The following NKAIN3 variants were observed in gnomAD, a reference collection of about 807,000 sequenced individuals.
NKAIN3 encodes the protein sodium/potassium-transporting ATPase subunit beta-1-interacting protein 3.
A neutral mutation model predicts 30.2 loss-of-function variants in NKAIN3; 25 were observed. The ratio of observed to expected loss-of-function variants is 0.83; its 90% CI spans 0.60 to 1.16. The LOEUF (loss-of-function observed/expected upper bound fraction) is 1.16. Ranked by LOEUF, NKAIN3 falls within the 50% of genes most tolerant of loss-of-function variation. The probability of loss-of-function intolerance (pLI) is 0.00; values close to 1 mark genes in which losing one functional copy is unlikely to be tolerated. For synonymous variants in NKAIN3, 91 were observed against 89.6 expected (o/e 1.02, Z -0.09); for missense variants, 225 against 254.1 (o/e 0.89, Z 0.78).
intron 3 of NKAIN3, among the ~76,000 whole-genome samples, chr8:62,732,809 C>A (rs1027247238): frequency 2.0e-5 from 3 of 151,826 alleles, no homozygotes; most frequent in Non-Finnish European, 2.9e-5. Context: ...CACATTTATA[C>A]CTTTATTATG....
chr8:62,285,778 A>C (rs1273876619), intron 1 of NKAIN3, among the ~76,000 whole-genome samples: 1 of 152,122 alleles, frequency 6.6e-6, no homozygotes, highest in African/African-American at 2.4e-5. Flanking sequence ...AAATATCTGA[A>C]CCAGACAGCT....
chr8:62,542,714 C>T (rs959672622), intron 1 of NKAIN3, among the ~76,000 whole-genome samples: 3 of 152,082 alleles, frequency 2.0e-5, no homozygotes, highest in African/African-American at 7.2e-5. Flanking sequence ...ACATGTTAAA[C>T]ATGTTAAAAA....
chr8:62,369,514 A>G (rs149851612), intron 1 of NKAIN3, among the ~76,000 whole-genome samples: 58 of 152,180 alleles, frequency 3.8e-4, no homozygotes, highest in African/African-American at 1.3e-3. Context: ...TAAATGGTGG[A>G]CATGGAATGG....
At chr8:62,561,842 A>G (rs1809589803) in intron 1 of NKAIN3, among the ~76,000 whole-genome samples, 2 of 152,208 alleles carry the variant, frequency 1.3e-5, no homozygotes, top group Admixed American at 6.6e-5. Context: ...GTTGAAACAT[A>G]GGTCATAGCA....
chr8:62,869,083 A>G (rs1227869298), intron 4 of NKAIN3, among the ~76,000 whole-genome samples: 3 of 152,226 alleles, frequency 2.0e-5, no homozygotes, highest in African/African-American at 7.2e-5. Flanking sequence ...GTCCTCTGAA[A>G]TGACCTCGGC....
intron 1 of NKAIN3, among the ~76,000 whole-genome samples, chr8:62,497,293 G>C (rs1807272329): frequency 6.6e-6 from 1 of 151,994 alleles, no homozygotes; most frequent in Non-Finnish European, 1.5e-5. Context: ...AATAAACATA[G>C]GATGTCTGTC....
At chr8:62,801,709 C>G (rs555766387) in intron 4 of NKAIN3, among the ~76,000 whole-genome samples, 2 of 152,290 alleles carry the variant, frequency 1.3e-5, no homozygotes, top group African/African-American at 4.8e-5. Flanking sequence ...AAGAGCAGAG[C>G]GCCTCTCCTC....
rs114224168 is a variant in NKAIN3, at chr8:62,594,199, A to G, written c.273+4405A>G. 3.2e-3 allele frequency among the ~76,000 whole-genome samples: 491 copies of G among 152,156 alleles called. 2 individuals carry two copies. The highest frequency in any genetic ancestry group is 0.01 in the African/African-American group (427 of 41,556). On this transcript the variant is annotated intron_variant, in intron 3 of 6. Transcript: ENST00000623646. ...ATCTATCAAACATAAGAAATACATA[A>G]TGCTAATCTTACTCAAACTCCTACA...
At chr8:62,556,740 C>G (rs1188643099) in intron 1 of NKAIN3, among the ~76,000 whole-genome samples, 1 of 151,552 alleles carries the variant, frequency 6.6e-6, no homozygotes, top group Non-Finnish European at 1.5e-5. Flanking sequence ...AAAGTATAGC[C>G]ATTTTGAACT....
rs1563427464 is a variant in NKAIN3 at position 62,500,477 on chromosome 8, G to GAAGA, written c.55-79060_55-79059insGAAA. Among the ~76,000 whole-genome samples, 26 of 121,876 alleles carry GAAGA rather than the reference G, an allele frequency of 2.1e-4. 1 individual carries two copies. The highest frequency in any genetic ancestry group is 7.6e-4 in the African/African-American group (24 of 31,422). The allele number at this position is 121,876 out of a possible 152,430, so 80.0% of individuals were successfully genotyped here. ...AGAAAGAAAGAAAGAAAGAAAGAAA[G>GAAGA]AAAGAAAGAAGAAAAGAAAGAAAGA... On this transcript the variant is annotated intron_variant, in intron 1 of 6. Transcript: ENST00000623646.
chr8:62,792,555 T>A (rs1817737308), intron 4 of NKAIN3, among the ~76,000 whole-genome samples: 1 of 4,188 alleles, frequency 2.4e-4, no homozygotes, highest in Admixed American at 3.9e-3. Context: ...TAAAACATGG[T>A]CCTTGTTCTC....
intron 5 of NKAIN3, among the ~76,000 whole-genome samples, chr8:62,935,178 T>C (rs976702339): frequency 1.3e-5 from 2 of 152,062 alleles, no homozygotes; most frequent in African/African-American, 4.8e-5. Context: ...CAAACACAAG[T>C]ACAAGTTCGT....
At chr8:62,914,609 C>T (rs1822025230) in intron 4 of NKAIN3, among the ~76,000 whole-genome samples, 1 of 152,070 alleles carries the variant, frequency 6.6e-6, no homozygotes, top group Non-Finnish European at 1.5e-5. Flanking sequence ...GTAGTTTTCT[C>T]CCCAATATCA....
At chr8:62,549,236 G>A (rs1809113505) in intron 1 of NKAIN3, among the ~76,000 whole-genome samples, 1 of 152,142 alleles carries the variant, frequency 6.6e-6, no homozygotes, top group African/African-American at 2.4e-5. Context: ...TCAGTAAAAT[G>A]AGTAATAGTC....
At position 62,966,024 on chromosome 8, in the gene NKAIN3, C is replaced by A. The variant is rs919597384; in HGVS notation, c.*617C>A. On this transcript the variant is annotated 3_prime_UTR_variant, in exon 7 of 7. Coordinates refer to ENST00000623646, the MANE Select transcript of NKAIN3 (RefSeq NM_001304533.3). ...TCTAAATTTTCAGATTCGTGCATATCTTGTTTTTCCTGATATATATATATA... is the reference window on the plus strand; with the variant it reads ...TCTAAATTTTCAGATTCGTGCATATATTGTTTTTCCTGATATATATATATA... The A allele has an allele frequency of 2.4e-5, 24 of 984,292 alleles. 1 individual carries two copies. The South Asian group carries it at 1.1e-3, about 46-fold the overall frequency. The allele number at this position is 984,292 out of a possible 1,614,324, so 61.0% of individuals were successfully genotyped here. A position where few individuals can be genotyped will look rare whatever the true frequency, so the allele number is the denominator to read the frequency against.
intron 3 of NKAIN3, among the ~76,000 whole-genome samples, chr8:62,693,084 G>A (rs1814033634): frequency 6.6e-6 from 1 of 152,138 alleles, no homozygotes; most frequent in Non-Finnish European, 1.5e-5. Flanking sequence ...TGCAGGTCCT[G>A]AGTCAGTTAT....
intron 3 of NKAIN3, among the ~76,000 whole-genome samples, chr8:62,652,421 T>G: frequency 6.6e-6 from 1 of 152,212 alleles, no homozygotes; most frequent in Non-Finnish European, 1.5e-5. Flanking sequence ...GTGGCTTGGC[T>G]GAAGCACTGC....
chr8:62,424,343 A>C (rs1180400927), intron 1 of NKAIN3, among the ~76,000 whole-genome samples: 2 of 151,986 alleles, frequency 1.3e-5, no homozygotes, highest in Non-Finnish European at 2.9e-5. Flanking sequence ...GAAAACATTT[A>C]ACAGAGTAAA....
chr8:62,528,268 C>G (rs1808370048), intron 1 of NKAIN3, among the ~76,000 whole-genome samples: 1 of 138,836 alleles, frequency 7.2e-6, no homozygotes, highest in Admixed American at 7.5e-5. Context: ...AGTTGAAAGC[C>G]TACCTATTTG....
Sources: allele counts gnomAD v4.1 joint callset (sites outside exome capture counted in the v4.1 genomes callset), GRCh38; gene constraint gnomAD v4.1.1; transcripts MANE v1.5; gene names NCBI Gene and HGNC (gene_info 2026-07-23, HGNC 2026-07-21).